Variants in PRUNE2 observed in about 807,000 individuals in gnomAD.
The protein encoded by PRUNE2 is protein prune homolog 2.
PRUNE2 carries 164 observed loss-of-function variants against 252.0 expected under a neutral mutation model. The observed-to-expected ratio is 0.65, with a 90% CI of 0.57 to 0.74. The LOEUF is 0.74. Among genes scored for constraint, PRUNE2 ranks in the 30% least tolerant of loss-of-function variants. The probability of loss-of-function intolerance (pLI) is 0.00; values close to 1 mark genes in which losing one functional copy is unlikely to be tolerated. For synonymous variants in PRUNE2, 1,292 were observed against 1,350.2 expected (o/e 0.96, Z 0.94); for missense variants, 3,495 against 3,711.0 (o/e 0.94, Z 1.51).
At chr9:76,714,571 T>C (rs1481816378) in intron 6 of PRUNE2, among the ~76,000 whole-genome samples, 1 of 152,096 alleles carries the variant, frequency 6.6e-6, no homozygotes, top group Admixed American at 6.5e-5. Context: ...ATTTATTGTA[T>C]TTTTTTGTAG....
At chr9:76,664,734 A>G (rs1404692551) in intron 9 of PRUNE2, among the ~76,000 whole-genome samples, 1 of 152,180 alleles carries the variant, frequency 6.6e-6, no homozygotes, top group Non-Finnish European at 1.5e-5. Flanking sequence ...GCTGGTCTCC[A>G]ACTCCCAGGC....
intron 9 of PRUNE2, among the ~76,000 whole-genome samples, chr9:76,673,671 A>C (rs1240312218): frequency 6.0e-5 from 9 of 149,680 alleles, no homozygotes; most frequent in Admixed American, 2.0e-4. Context: ...TACTGGCAAA[A>C]CGAATCCAGC....
At chr9:76,724,823 A>G (rs11145025) in intron 6 of PRUNE2, among the ~76,000 whole-genome samples, 2 of 152,316 alleles carry the variant, frequency 1.3e-5, no homozygotes, top group East Asian at 1.9e-4. Context: ...GTGCTTGGCA[A>G]GGAAAGGGCT....
intron 6 of PRUNE2, among the ~76,000 whole-genome samples, chr9:76,723,810 CTTT>C (rs66816205): frequency 9.5e-4 from 132 of 138,630 alleles, no homozygotes; most frequent in Non-Finnish European, 3.9e-4. Context: ...GCATATCTTT[CTTT>C]TTTTTTTTTT....
rs905782160 is a variant in PRUNE2 at position 76,613,277 on chromosome 9, G to A, written c.*1293C>T. The A allele has an allele frequency of 3.3e-5, 5 of 152,138 alleles. No homozygotes were observed. The highest frequency in any genetic ancestry group is 1.2e-4 in the African/African-American group (5 of 41,418). 9.4% of individuals were successfully genotyped at this position (152,138 alleles called of 1,614,324 possible). ...GGAAAGGATGCGTTTGCTAGAGCAGGGGTCAGCAAACTTTTTCTGTAAACA... is the reference window on the plus strand; with the variant it reads ...GGAAAGGATGCGTTTGCTAGAGCAGAGGTCAGCAAACTTTTTCTGTAAACA... On this transcript the variant is annotated 3_prime_UTR_variant, in exon 19 of 19. Transcript: ENST00000376718.
intron 14 of PRUNE2, among the ~76,000 whole-genome samples, chr9:76,636,993 G>GTGTGTGTA: frequency 6.7e-6 from 1 of 148,636 alleles, no homozygotes; most frequent in South Asian, 2.1e-4. Flanking sequence ...GTGTGTGTGT[G>GTGTGTGTA]TGTGTGTGTG....
rs1588888399 is a variant in PRUNE2, at chr9:76,729,662, TATAAA to T, written c.757-15946_757-15942del. Among the ~76,000 whole-genome samples, 4 of 152,272 alleles carry T rather than the reference TATAAA, an allele frequency of 2.6e-5. No individual in the cohort carries two copies. In the East Asian group the frequency reaches 7.7e-4, roughly 29 times the overall value. On this transcript the variant is annotated intron_variant, in intron 6 of 18. Transcript: ENST00000376718. The stretch of plus-strand genomic sequence containing the variant: ...AAACTGTTAAAAAGAAATGTTTTAT[TATAAA>T]ATAAAATAAAACGATCTTATTTGAA...
chr9:76,664,613 T>G (rs541503826), intron 9 of PRUNE2, among the ~76,000 whole-genome samples: 1 of 152,282 alleles, frequency 6.6e-6, no homozygotes, highest in Admixed American at 6.5e-5. Context: ...CTCCATCTCC[T>G]GCGTTCAAGT....
At position 76,898,918 on chromosome 9, in the gene PRUNE2, G is replaced by A. The variant is rs546715824; in HGVS notation, c.36+7010C>T. Among the ~76,000 whole-genome samples, 6 of 152,290 alleles carry A rather than the reference G, an allele frequency of 3.9e-5. No individual in the cohort carries two copies. The South Asian group carries it at 1.0e-3, about 26-fold the overall frequency. ...AGATGAAGTGGAAGACCATGATCACGCTCCACCACAAACAGTCCCACTAGT... is the reference window on the plus strand; with the variant it reads ...AGATGAAGTGGAAGACCATGATCACACTCCACCACAAACAGTCCCACTAGT... On this transcript the variant is annotated intron_variant, in intron 1 of 18. Transcript: ENST00000376718.
intron 6 of PRUNE2, among the ~76,000 whole-genome samples, chr9:76,752,076 T>C (rs1308246636): frequency 7.0e-6 from 1 of 142,220 alleles, no homozygotes; most frequent in Non-Finnish European, 1.5e-5. Flanking sequence ...AACGACTGAC[T>C]CAATTCCTGT....
chr9:76,618,408 C>T (rs1287187761), intron 18 of PRUNE2, among the ~76,000 whole-genome samples: 1 of 152,226 alleles, frequency 6.6e-6, no homozygotes, highest in African/African-American at 2.4e-5. Flanking sequence ...CCCTCTGCTT[C>T]CTGATTGCTA....
chr9:76,896,436 A>G (rs72735049), intron 1 of PRUNE2, among the ~76,000 whole-genome samples: 16,631 of 152,198 alleles, frequency 0.11, 1,111 homozygotes, highest in South Asian at 0.23. Context: ...GTTTTGGGGT[A>G]ACTTTGGGTT....
intron 6 of PRUNE2, among the ~76,000 whole-genome samples, chr9:76,810,973 C>T (rs1891835): frequency 0.72 from 109,518 of 152,038 alleles, 40,081 homozygotes; most frequent in African/African-American, 0.87. Context: ...TTCTCAGGAG[C>T]GTTACAGACA....
chr9:76,619,224 C>G, intron 18 of PRUNE2, 116 bp downstream of exon 18: 1 of 665,538 alleles, frequency 1.5e-6, no homozygotes, highest in Non-Finnish European at 2.6e-6. Context: ...GAATGGAGCA[C>G]AGGAAAGCTG....
intron 6 of PRUNE2, among the ~76,000 whole-genome samples, chr9:76,732,309 A>T (rs2135435766): frequency 6.6e-6 from 1 of 152,372 alleles, no homozygotes; most frequent in Admixed American, 6.5e-5. Flanking sequence ...TCCGTCTCAA[A>T]AAAGTAAAAA....
At chr9:76,895,387 C>A (rs1438399151) in intron 1 of PRUNE2, among the ~76,000 whole-genome samples, 1 of 152,180 alleles carries the variant, frequency 6.6e-6, no homozygotes, top group East Asian at 1.9e-4. Flanking sequence ...TGCACCATCA[C>A]CTTCCATCCT....
At chr9:76,832,654 T>TA (rs1036620921) in intron 4 of PRUNE2, among the ~76,000 whole-genome samples, 6 of 150,448 alleles carry the variant, frequency 4.0e-5, no homozygotes, top group Non-Finnish European at 5.9e-5. Flanking sequence ...TAAATTCACC[T>TA]AAAAAAAAGG....
At chr9:76,727,862 A>G (rs2048254037) in intron 6 of PRUNE2, among the ~76,000 whole-genome samples, 1 of 151,538 alleles carries the variant, frequency 6.6e-6, no homozygotes, top group Admixed American at 6.6e-5. Flanking sequence ...CTACAGGTGC[A>G]AGCCACCATG....
intron 6 of PRUNE2, among the ~76,000 whole-genome samples, chr9:76,755,317 A>G (rs1003737856): frequency 6.6e-6 from 1 of 152,204 alleles, no homozygotes; most frequent in African/African-American, 2.4e-5. Context: ...TGAATGAGTG[A>G]AGAAATAAAC....
Sources: gnomAD v4.1 joint callset for allele counts (sites outside exome capture counted in the v4.1 genomes callset) on GRCh38, gnomAD v4.1.1 for gene constraint, MANE v1.5 for transcripts, NCBI Gene and HGNC (gene_info 2026-07-23, HGNC 2026-07-21) for gene names.